The following PAPSS1 variants were observed in gnomAD, a reference collection of about 807,000 sequenced individuals.
The protein encoded by PAPSS1 is 3'-phosphoadenosine 5'-phosphosulfate synthase 1, also known as bifunctional 3'-phosphoadenosine 5'-phosphosulfate synthase 1.
A neutral mutation model predicts 72.0 loss-of-function variants in PAPSS1; 50 were observed. The ratio of observed to expected loss-of-function variants is 0.69; its 90% confidence interval spans 0.55 to 0.88. The LOEUF (loss-of-function observed/expected upper bound fraction) is 0.88. Ranked by LOEUF, PAPSS1 falls within the 40% of genes least tolerant of loss-of-function variation. PAPSS1 has a pLI of 0.00. For missense variants in PAPSS1, 657 were observed against 782.2 expected, an observed-to-expected ratio of 0.84 and a Z score of 1.91; for synonymous variants, 261 against 263.6, an observed-to-expected ratio of 0.99 and a Z score of 0.09.
At chr4:107,695,014 T>C (rs771231769) in intron 2 of PAPSS1, among the ~76,000 whole-genome samples, 4 of 152,218 alleles carry the variant, frequency 2.6e-5, no homozygotes, top group Non-Finnish European at 5.9e-5. Context: ...GTAGTTTTTT[T>C]CTAATTCTGT....
chr4:107,614,503 A>G (rs1459450614), intron 11 of PAPSS1, 116 bp from the exon 12 acceptor site: 3 of 688,850 alleles, frequency 4.4e-6, no homozygotes, highest in African/African-American at 1.8e-5. Flanking sequence ...AATACTGAAC[A>G]TAGTACTTGT....
chr4:107,666,375 T>TA (rs1185317909), intron 5 of PAPSS1, among the ~76,000 whole-genome samples: 4 of 152,022 alleles, frequency 2.6e-5, no homozygotes, highest in African/African-American at 9.7e-5. Flanking sequence ...TCTAGGAAAA[T>TA]AAAAAAATCC....
intron 10 of PAPSS1, among the ~76,000 whole-genome samples, chr4:107,635,286 A>T (rs1013514985): frequency 3.3e-5 from 5 of 152,198 alleles, no homozygotes; most frequent in Non-Finnish European, 7.3e-5. Context: ...TAAAAACAAA[A>T]AGTGAGAGAA....
intron 11 of PAPSS1, among the ~76,000 whole-genome samples, chr4:107,624,751 A>G (rs1726050500): frequency 6.6e-6 from 1 of 152,228 alleles, no homozygotes; most frequent in African/African-American, 2.4e-5. Context: ...TGCAAAATTA[A>G]CAAATACAGG....
intron 7 of PAPSS1, among the ~76,000 whole-genome samples, chr4:107,655,105 TAAAAAAA>T (rs61591737): frequency 1.7e-5 from 2 of 117,728 alleles, no homozygotes; most frequent in Non-Finnish European, 3.5e-5. Flanking sequence ...TCTCCCAAGT[TAAAAAAA>T]AAAAAAAAAA....
intron 5 of PAPSS1, among the ~76,000 whole-genome samples, chr4:107,660,811 C>T (rs1727160148): frequency 6.6e-6 from 1 of 152,150 alleles, no homozygotes. Flanking sequence ...CCAAATCTGT[C>T]AGGTAACCTC....
intron 11 of PAPSS1, among the ~76,000 whole-genome samples, chr4:107,616,722 G>C (rs942574752): frequency 6.6e-6 from 1 of 152,158 alleles, no homozygotes; most frequent in Non-Finnish European, 1.5e-5. Context: ...AACAAATTAA[G>C]AATGGGTCTT....
Position 107,720,199 on chromosome 4 carries a change from C to A in PAPSS1, c.-20G>T, listed in dbSNP as rs750525664. On this transcript the variant is annotated 5_prime_UTR_variant, in exon 1 of 12. Transcript: ENST00000265174. Reference sequence around the variant, plus strand: ...CTCCATGACCGCGGAGCGCGCTGAGCAGCCGGGGTTCTCTGCGCCGGGAGG... The same window carrying A: ...CTCCATGACCGCGGAGCGCGCTGAGAAGCCGGGGTTCTCTGCGCCGGGAGG... 65 of 1,596,902 alleles carry A rather than the reference C, an allele frequency of 4.1e-5. No individual in the cohort carries two copies. The highest frequency in any genetic ancestry group is 5.4e-5 in the Non-Finnish European group (63 of 1,173,274).
intron 4 of PAPSS1, among the ~76,000 whole-genome samples, chr4:107,686,804 G>A (rs766067633): frequency 2.0e-5 from 3 of 152,068 alleles, no homozygotes; most frequent in African/African-American, 4.8e-5. Context: ...GCCAACTCCC[G>A]AGCCCCAACT....
At chr4:107,676,571 G>C (rs558601111) in intron 5 of PAPSS1, among the ~76,000 whole-genome samples, 2 of 152,262 alleles carry the variant, frequency 1.3e-5, no homozygotes, top group East Asian at 3.9e-4. Context: ...CATGCTCATG[G>C]GTAGGAAGAA....
chr4:107,673,064 T>G (rs999409994), intron 5 of PAPSS1, among the ~76,000 whole-genome samples: 5 of 151,980 alleles, frequency 3.3e-5, no homozygotes, highest in Non-Finnish European at 7.4e-5. Context: ...CATCTGTACG[T>G]CACCATCATC....
Position 107,644,804 on chromosome 4 carries a change from C to T in PAPSS1, c.1504G>A (p.Glu502Lys), listed in dbSNP as rs749060064. 6 of 1,608,628 alleles carry T rather than the reference C, an allele frequency of 3.7e-6. No homozygotes were observed. Among genetic ancestry groups the T allele is most frequent in the Non-Finnish European group, 4.2e-6 (5 of 1,177,902 alleles). ...TGAAAATCTTACAAGCAGTCTACCTCAGTTGGTCCAGCATACATCATGGGA... is the reference window on the plus strand; with the variant it reads ...TGAAAATCTTACAAGCAGTCTACCTTAGTTGGTCCAGCATACATCATGGGA... ...PSPMMYAGPTEVQWHCRARMV... is the reference protein window; with the variant it reads ...PSPMMYAGPTKVQWHCRARMV... The change falls in exon 10 of 12, where the codon GAG becomes AAG. Residue 502 changes from glutamate to lysine, a missense_variant and splice_region_variant. By Grantham distance (56) the Glu-to-Lys change is moderately conservative. Coordinates refer to ENST00000265174, the MANE Select transcript of PAPSS1 (RefSeq NM_005443.5).
chr4:107,718,255 C>G (rs1170648970), intron 1 of PAPSS1: 2 of 152,056 alleles, frequency 1.3e-5, no homozygotes, highest in South Asian at 4.2e-4. Flanking sequence ...AATTCTAGCC[C>G]CATCAAAAAT....
chr4:107,658,070 T>G (rs975198392), intron 6 of PAPSS1, among the ~76,000 whole-genome samples: 11 of 151,942 alleles, frequency 7.2e-5, no homozygotes, highest in African/African-American at 2.7e-4. Flanking sequence ...CTTTCCAAGA[T>G]TAACAAAATC....
intron 2 of PAPSS1, among the ~76,000 whole-genome samples, chr4:107,694,601 T>G (rs1723020305): frequency 6.6e-6 from 1 of 152,166 alleles, no homozygotes; most frequent in Non-Finnish European, 1.5e-5. Flanking sequence ...TATGCCCAAA[T>G]TATTTCTGGT....
At chr4:107,627,139 G>A (rs531384944) in intron 11 of PAPSS1, among the ~76,000 whole-genome samples, 1 of 152,316 alleles carries the variant, frequency 6.6e-6, no homozygotes, top group Non-Finnish European at 1.5e-5. Flanking sequence ...TTAGGGTCCT[G>A]CGTGTGATTA....
intron 1 of PAPSS1, among the ~76,000 whole-genome samples, chr4:107,714,176 C>A (rs1411626713): frequency 6.6e-6 from 1 of 152,180 alleles, no homozygotes; most frequent in Non-Finnish European, 1.5e-5. Context: ...GGCCTGCCTG[C>A]CTTCAGCAAG....
chr4:107,619,422 C>T (rs1285659252), intron 11 of PAPSS1, among the ~76,000 whole-genome samples: 2 of 152,222 alleles, frequency 1.3e-5, no homozygotes, highest in Non-Finnish European at 2.9e-5. Context: ...TCCTCCACCT[C>T]ATACTTACAT....
intron 2 of PAPSS1, 117 bp downstream of exon 2, chr4:107,701,054 G>T (rs952920510): frequency 5.9e-6 from 3 of 506,974 alleles, no homozygotes; most frequent in African/African-American, 2.0e-5. Flanking sequence ...TCAGTTATAT[G>T]TCGTGATGCT....
Sources: gnomAD v4.1 joint callset for allele counts (sites outside exome capture counted in the v4.1 genomes callset) on GRCh38, gnomAD v4.1.1 for gene constraint, MANE v1.5 for transcripts, NCBI Gene and HGNC (gene_info 2026-07-23, HGNC 2026-07-21) for gene names.